Variants in CFAP43 observed in about 807,000 individuals in gnomAD.
The protein encoded by CFAP43 is cilia and flagella associated protein 43.
Under a neutral mutation model 218.9 loss-of-function variants are expected in CFAP43, and 155 were observed. That is an observed-to-expected ratio of 0.71 (90% CI 0.62 to 0.81). The LOEUF is 0.81. CFAP43 is among the 30% of genes least tolerant of loss of function. CFAP43 has a pLI of 0.00. For synonymous variants in CFAP43, 645 were observed against 681.3 expected, an observed-to-expected ratio of 0.95 and a Z score of 0.83; for missense variants, 1,778 against 1,954.3, an observed-to-expected ratio of 0.91 and a Z score of 1.70.
intron 34 of CFAP43, among the ~76,000 whole-genome samples, chr10:104,139,446 A>G (rs1296357375): frequency 2.6e-5 from 4 of 152,222 alleles, no homozygotes; most frequent in Non-Finnish European, 5.9e-5. Context: ...CATTGTGTTC[A>G]AACTGCTGAA....
intron 21 of CFAP43, among the ~76,000 whole-genome samples, chr10:104,167,949 G>A (rs1325502222): frequency 6.6e-6 from 1 of 152,088 alleles, no homozygotes; most frequent in East Asian, 1.9e-4. Context: ...TTTTGTGAAG[G>A]GCTGATTTTT....
chr10:104,153,342 T>C (rs2088370786), intron 27 of CFAP43, among the ~76,000 whole-genome samples: 1 of 152,182 alleles, frequency 6.6e-6, no homozygotes, highest in East Asian at 1.9e-4. Context: ...AAAATTTTCA[T>C]TGCACAACAG....
intron 28 of CFAP43, 27 bp from the exon 29 acceptor site, chr10:104,148,025 G>T (rs1307245237): frequency 2.0e-6 from 3 of 1,465,882 alleles, no homozygotes; most frequent in Non-Finnish European, 1.8e-6. Flanking sequence ...GAAAAAGGTT[G>T]GTGGAATTAC....
In CFAP43 at chr10:104,211,928, T is replaced by C. The variant is rs576470198; in HGVS notation, c.735+79A>G. ...TCTGTATCCTGCATTTCTCAAGGGA[T>C]GGTTATGCCAATCAAATGAGATCAG... On this transcript the variant is annotated intron_variant, in intron 5 of 37. Transcript: ENST00000357060. 7 of 1,476,908 alleles carry C rather than the reference T, an allele frequency of 4.7e-6. No homozygotes were observed. In the African/African-American group the frequency reaches 9.9e-5, roughly 21 times the overall value. The allele number at this position is 1,476,908 out of a possible 1,614,324, so 91.5% of individuals were successfully genotyped here.
chr10:104,203,026 A>G (rs1419201849), intron 8 of CFAP43, among the ~76,000 whole-genome samples: 1 of 152,164 alleles, frequency 6.6e-6, no homozygotes. Flanking sequence ...TAATTGAAGT[A>G]AATGTTTGTT....
chr10:104,175,177 G>C (rs1164523219), intron 19 of CFAP43, among the ~76,000 whole-genome samples: 1 of 152,198 alleles, frequency 6.6e-6, no homozygotes, highest in African/African-American at 2.4e-5. Context: ...GCTCATGCCT[G>C]TAATCCCAGC....
At chr10:104,149,315 G>T (rs937225986) in intron 28 of CFAP43, among the ~76,000 whole-genome samples, 14 of 152,110 alleles carry the variant, frequency 9.2e-5, no homozygotes, top group Admixed American at 7.2e-4. Context: ...CAACGCCCGG[G>T]TCCATTAATC....
At chr10:104,223,847 C>T (rs1033383854) in intron 3 of CFAP43, among the ~76,000 whole-genome samples, 1 of 152,190 alleles carries the variant, frequency 6.6e-6, no homozygotes, top group Non-Finnish European at 1.5e-5. Context: ...ACTACTGACA[C>T]ATACATGCAG....
In CFAP43 at chr10:104,184,939, CT is replaced by C. The variant is rs1215850030; in HGVS notation, c.2141+76del. 11 of 1,548,290 alleles carry C rather than the reference CT, an allele frequency of 7.1e-6. No homozygotes were observed. In the African/African-American group the frequency reaches 1.5e-4, roughly 21 times the overall value. The stretch of plus-strand genomic sequence containing the variant: ...GTGGTCTCCCAGCACGTTGGCCTTG[CT>C]GTACTTAAATAATAATAAAATCTCT... On this transcript the variant is annotated intron_variant, in intron 16 of 37. Coordinates refer to ENST00000357060, the MANE Select transcript of CFAP43 (RefSeq NM_025145.7).
chr10:104,206,172 T>G (rs910263214), intron 6 of CFAP43, 142 bp from the exon 7 acceptor site: 1 of 641,612 alleles, frequency 1.6e-6, no homozygotes, highest in African/African-American at 1.9e-5. Context: ...GTAACTAACA[T>G]AGATGCTAGA....
rs1412363258 is a variant in CFAP43, at chr10:104,200,714, GA to G, written c.1096-2677del. On this transcript the variant is annotated intron_variant, in intron 8 of 37. Transcript: ENST00000357060. ...AAAAAAAAGACCCAAAGGAAATGAG[GA>G]AACTACCCATGTAGATTCTGTGGGA... Among the ~76,000 whole-genome samples, 3 of 148,922 alleles carry G rather than the reference GA, an allele frequency of 2.0e-5. No individual in the cohort carries two copies. In the South Asian group the frequency reaches 6.5e-4, roughly 32 times the overall value.
chr10:104,161,358 G>A (rs1394086458), intron 26 of CFAP43, among the ~76,000 whole-genome samples, 196 bp from the exon 27 acceptor site: 1 of 152,152 alleles, frequency 6.6e-6, no homozygotes, highest in Non-Finnish European at 1.5e-5. Context: ...GTGAAGGTGA[G>A]CAGGGTGGGA....
In CFAP43 at chr10:104,131,400, C is replaced by T. The variant is rs2087185405; in HGVS notation, c.4762G>A (p.Ala1588Thr). 3 of 1,613,780 alleles carry T rather than the reference C, an allele frequency of 1.9e-6. No individual in the cohort carries two copies. Among genetic ancestry groups the T allele is most frequent in the Non-Finnish European group, 2.5e-6 (3 of 1,179,920 alleles). The change falls in exon 37 of 38, where the codon GCC becomes ACC. Residue 1588 changes from alanine to threonine, a missense_variant. By Grantham distance (58) the Ala-to-Thr change is moderately conservative (BLOSUM62 0). Around this residue, in one of 3 missense-constraint regions of CFAP43, gnomAD observed 211 missense variants for 230.6 expected, o/e 0.91. Coordinates refer to ENST00000357060, the MANE Select transcript of CFAP43 (RefSeq NM_025145.7). ...FSNQKDIANYALSCNLREELV... is the reference protein window; with the variant it reads ...FSNQKDIANYTLSCNLREELV... ...TCTTCTCGTAGATTGCAGCTTAGGG[C>T]ATAATTTGCTATATCTTTTTGATTG...
At position 104,212,028 on chromosome 10, in the gene CFAP43, G is replaced by C. The variant is rs748069401; in HGVS notation, c.714C>G (p.Gly238=). Reference sequence around the variant, plus strand: ...TTACCCGGAAAGTCTCTGCCTCTTTGCCTACCAGCCCGGCAATGGCTGACA... The same window carrying C: ...TTACCCGGAAAGTCTCTGCCTCTTTCCCTACCAGCCCGGCAATGGCTGACA... ...LPLSAIAGLV[G]KEAETFRPKD... Residue 238 remains glycine, a synonymous_variant, in exon 5 of 38, where the codon GGC becomes GGG. Transcript: ENST00000357060. The C allele has an allele frequency of 5.6e-6, 9 of 1,613,234 alleles. No individual in the cohort carries two copies. Among genetic ancestry groups the C allele is most frequent in the Non-Finnish European group, 5.9e-6 (7 of 1,179,524 alleles).
chr10:104,230,636 G>C lies in CFAP43; in HGVS notation c.273C>G (p.Ile91Met). The C allele has an allele frequency of 6.2e-7, 1 of 1,614,162 alleles. No homozygotes were observed. The highest frequency in any genetic ancestry group is 1.3e-5 in the African/African-American group (1 of 75,052). ...AFSDRKLKPL[I>M]YVYSFPGLTR... ...TCAATCCTGGAAAGCTGTATACGTA[G>C]ATGAGAGGTTTTAGCTTCCGGTCAG... is the stretch of plus-strand genomic sequence containing the variant. Residue 91 changes from isoleucine (I) to methionine (M), a missense_variant, in exon 2 of 38, where the codon ATC becomes ATG. Ile to Met is a conservative substitution (Grantham distance 10, BLOSUM62 1). This residue lies in a region of CFAP43 where 1,553 missense variants were observed against 1,685.2 expected (regional missense o/e 0.92). Transcript: ENST00000357060.
At chr10:104,130,894 G>C (rs1415198452) in intron 37 of CFAP43, among the ~76,000 whole-genome samples, 1 of 151,620 alleles carries the variant, frequency 6.6e-6, no homozygotes, top group Admixed American at 6.6e-5. Context: ...GGCACTTGAG[G>C]GGGCTGAGGT....
intron 2 of CFAP43, among the ~76,000 whole-genome samples, chr10:104,228,041 C>T (rs1307176704): frequency 2.0e-5 from 3 of 151,628 alleles, no homozygotes; most frequent in African/African-American, 7.3e-5. Context: ...ATGGGGTTTC[C>T]CCATGTTGGC....
chr10:104,186,036 C>T lies in CFAP43; in HGVS notation c.1948G>A (p.Gly650Arg). 2 of 1,610,244 alleles carry T rather than the reference C, an allele frequency of 1.2e-6. No individual in the cohort carries two copies. Among genetic ancestry groups the T allele is most frequent in the Non-Finnish European group, 8.5e-7 (1 of 1,178,944 alleles). Residue 650 changes from glycine to arginine, a missense_variant, in exon 15 of 38, where the codon GGA (glycine) becomes AGA (arginine). By Grantham distance (125) the Gly-to-Arg change is moderately radical (BLOSUM62 -2). This residue lies in a region of CFAP43 where 1,553 missense variants were observed against 1,685.2 expected (regional missense o/e 0.92). Coordinates refer to ENST00000357060, the MANE Select transcript of CFAP43 (RefSeq NM_025145.7). ...GPGLLYLSSHGLWLITIAKCG... is the reference protein window; with the variant it reads ...GPGLLYLSSHRLWLITIAKCG... Reference sequence around the variant, plus strand: ...TTAGCTATTGTTATGAGCCACAATCCATGTGAAGACAGATAGAGCAGTCCA... The same window carrying T: ...TTAGCTATTGTTATGAGCCACAATCTATGTGAAGACAGATAGAGCAGTCCA...
At chr10:104,198,981 CA>C (rs1348464793) in intron 8 of CFAP43, among the ~76,000 whole-genome samples, 1 of 152,118 alleles carries the variant, frequency 6.6e-6, no homozygotes. Flanking sequence ...ATTTACAAAA[CA>C]TAACAAAACA....
Sources: allele counts gnomAD v4.1 joint callset (sites outside exome capture counted in the v4.1 genomes callset), GRCh38; gene constraint gnomAD v4.1.1; regional missense constraint gnomAD v4.1.1; transcripts MANE v1.5; gene names NCBI Gene and HGNC (gene_info 2026-07-23, HGNC 2026-07-21).